Variants in EPM2A observed in about 807,000 individuals in gnomAD.
EPM2A encodes laforin.
EPM2A carries 21 observed loss-of-function variants against 26.5 expected under a neutral mutation model. The observed-to-expected ratio is 0.79, with a 90% CI of 0.56 to 1.14. EPM2A has a LOEUF of 1.14. Ranked by LOEUF, EPM2A falls within the 50% of genes most tolerant of loss-of-function variation. EPM2A has a pLI of 0.00. For synonymous variants in EPM2A, 217 were observed against 177.6 expected (o/e 1.22, Z -1.76); for missense variants, 458 against 440.8 (o/e 1.04, Z -0.35).
Position 145,584,603 on chromosome 6 carries a change from T to A in EPM2A, c.340+50642A>T, listed in dbSNP as rs544423851. Among the ~76,000 whole-genome samples, 145 of 152,264 alleles carry A rather than the reference T, an allele frequency of 9.5e-4. No individual in the cohort carries two copies. The Middle Eastern group carries it at 0.01, about 11-fold the overall frequency. The stretch of plus-strand genomic sequence containing the variant: ...TTTCTAAGAGGTTGTCTCTGCCAGC[T>A]CAAGTGTCCCTGGGGGTCATGGGTT... On this transcript the variant is annotated intron_variant, in intron 2 of 3. Coordinates refer to the EPM2A transcript ENST00000450221.
intron 1 of EPM2A, among the ~76,000 whole-genome samples, chr6:145,714,385 A>G (rs1186143195): frequency 6.6e-6 from 1 of 152,192 alleles, no homozygotes; most frequent in African/African-American, 2.4e-5. Context: ...TAACAAATCA[A>G]TTTTACTACT....
In EPM2A at chr6:145,437,266, C is replaced by T. The variant is rs150232580; in HGVS notation, c.556-53169G>A. On this transcript the variant is annotated intron_variant, in intron 4 of 4. Coordinates refer to the EPM2A transcript ENST00000638717. ...GTGAAGAAGGTGCTTACTTCCCCTTCGCCTTCTCCCATGATTGTAAGTTTC... is the reference window on the plus strand; with the variant it reads ...GTGAAGAAGGTGCTTACTTCCCCTTTGCCTTCTCCCATGATTGTAAGTTTC... Among the ~76,000 whole-genome samples, 215 of 152,112 alleles carry T rather than the reference C, an allele frequency of 1.4e-3. 2 individuals are homozygous for T. The East Asian group carries it at 0.03, about 21-fold the overall frequency.
intron 1 of EPM2A, among the ~76,000 whole-genome samples, chr6:145,715,407 A>C (rs1293603898): frequency 2.0e-5 from 3 of 152,220 alleles, no homozygotes. Context: ...AAACACAGGA[A>C]GAACATGCAG....
rs533617500 is a variant in EPM2A, at chr6:145,565,710, A to G, written c.341-63135T>C. ...AAGAGCTTGGCCCTCTAAGATCCAC[A>G]TAATCCTGGAAGAAAGGTGGGTATC... On this transcript the variant is annotated intron_variant, in intron 2 of 3. Coordinates refer to the EPM2A transcript ENST00000450221. Among the ~76,000 whole-genome samples the G allele has an allele frequency of 2.0e-5, 3 of 152,302 alleles. No individual in the cohort carries two copies. In the South Asian group the frequency reaches 6.2e-4, roughly 32 times the overall value.
chr6:145,707,325 G>A (rs1324869170), intron 1 of EPM2A, among the ~76,000 whole-genome samples: 1 of 152,170 alleles, frequency 6.6e-6, no homozygotes, highest in Non-Finnish European at 1.5e-5. Context: ...AGTGGCAGGG[G>A]AAGAGCAGGC....
chr6:145,450,709 C>G (rs1165269142), intron 4 of EPM2A, among the ~76,000 whole-genome samples: 1 of 152,160 alleles, frequency 6.6e-6, no homozygotes, highest in Non-Finnish European at 1.5e-5. Context: ...TGCGTGAACT[C>G]TCAGCATCAT....
At chr6:145,732,537 T>C (rs1377510178) in intron 1 of EPM2A, among the ~76,000 whole-genome samples, 1 of 152,018 alleles carries the variant, frequency 6.6e-6, no homozygotes. Context: ...ATTCATCAAG[T>C]AGTGCAATTA....
Position 145,730,375 on chromosome 6 carries a change from T to C in EPM2A, c.301+4823A>G, listed in dbSNP as rs9497402. 8.0e-3 allele frequency among the ~76,000 whole-genome samples: 1,221 copies of C among 152,304 alleles called. 17 individuals are homozygous for C. Among genetic ancestry groups the C allele is most frequent in the African/African-American group, 0.028 (1,168 of 41,562 alleles). ...GGATGATTCTTCCACTCTTCCTTCT[T>C]CTCCCTTATTCCACTAAATGCACAT... On this transcript the variant is annotated intron_variant, in intron 1 of 3. Transcript: ENST00000367519.
At chr6:145,440,799 G>T (rs771375606) in intron 4 of EPM2A, among the ~76,000 whole-genome samples, 2 of 152,206 alleles carry the variant, frequency 1.3e-5, no homozygotes, top group Non-Finnish European at 2.9e-5. Context: ...TAACAGGTGG[G>T]CTCCCACAGA....
At position 145,735,337 on chromosome 6, in the gene EPM2A, C is replaced by T. The variant is rs1223558074; in HGVS notation, c.162G>A (p.Leu54=). The change falls in exon 1 of 4, where the codon CTG becomes CTA. Residue 54 remains leucine (L), a synonymous_variant. Coordinates refer to ENST00000367519, the MANE Select transcript of EPM2A (RefSeq NM_005670.4). ...GTAAGDGALA[L]QEPGLWLGEV... Reference sequence around the variant, plus strand: ...CCCCGAGCCACAGGCCCGGCTCCTGCAGGGCCAGGGCCCCGTCGCCCGCCG... The same window carrying T: ...CCCCGAGCCACAGGCCCGGCTCCTGTAGGGCCAGGGCCCCGTCGCCCGCCG... 8.0e-6 allele frequency: 11 copies of T among 1,367,996 alleles called. No homozygotes were observed. Among genetic ancestry groups the T allele is most frequent in the Non-Finnish European group, 9.5e-6 (10 of 1,051,830 alleles). 84.7% of individuals were successfully genotyped at this position (1,367,996 alleles called of 1,614,324 possible).
intron 4 of EPM2A, among the ~76,000 whole-genome samples, chr6:145,495,085 G>A (rs1779799374): frequency 6.6e-6 from 1 of 152,072 alleles, no homozygotes; most frequent in Admixed American, 6.5e-5. Context: ...TTAGTGGGAT[G>A]GTAAAATTTC....
intron 2 of EPM2A, among the ~76,000 whole-genome samples, chr6:145,564,314 G>A (rs530405023): frequency 2.2e-4 from 34 of 151,996 alleles, no homozygotes; most frequent in Non-Finnish European, 4.4e-4. Context: ...ATCTACATAC[G>A]TATGTACATT....
chr6:145,426,553 A>G (rs1778856845), intron 4 of EPM2A, among the ~76,000 whole-genome samples: 1 of 152,238 alleles, frequency 6.6e-6, no homozygotes, highest in African/African-American at 2.4e-5. Flanking sequence ...GTCAAAACAT[A>G]TAAAACTATG....
intron 2 of EPM2A, among the ~76,000 whole-genome samples, chr6:145,598,885 T>C (rs1781382540): frequency 6.6e-6 from 1 of 152,214 alleles, no homozygotes; most frequent in Non-Finnish European, 1.5e-5. Context: ...TTGCTTGTTT[T>C]TATCAGCTTT....
chr6:145,713,069 T>A (rs1044084405), intron 1 of EPM2A, among the ~76,000 whole-genome samples: 2 of 152,232 alleles, frequency 1.3e-5, no homozygotes, highest in Admixed American at 6.5e-5. Context: ...TTTATTTTTA[T>A]CTTTTAATTC....
intron 2 of EPM2A, among the ~76,000 whole-genome samples, chr6:145,662,987 T>C (rs757747244): frequency 6.6e-6 from 1 of 152,172 alleles, no homozygotes; most frequent in Non-Finnish European, 1.5e-5. Context: ...TGACTTCCTA[T>C]TTAATGCAAC....
chr6:145,683,777 G>T (rs974324462), intron 2 of EPM2A, among the ~76,000 whole-genome samples: 1 of 152,132 alleles, frequency 6.6e-6, no homozygotes, highest in African/African-American at 2.4e-5. Context: ...TGCTGAGAAA[G>T]ATAGGATCTG....
At chr6:145,573,481 C>T (rs181854247) in intron 2 of EPM2A, among the ~76,000 whole-genome samples, 40 of 152,344 alleles carry the variant, frequency 2.6e-4, no homozygotes, top group African/African-American at 8.4e-4. Context: ...AATCCACTGT[C>T]GTTCTTCAAG....
chr6:145,443,114 A>G (rs1582759425), intron 4 of EPM2A, among the ~76,000 whole-genome samples: 1 of 151,540 alleles, frequency 6.6e-6, no homozygotes, highest in South Asian at 2.1e-4. Context: ...CTTGTGATCC[A>G]CCTGCCTCGG....
Sources: gnomAD v4.1 joint callset for allele counts (sites outside exome capture counted in the v4.1 genomes callset) on GRCh38, gnomAD v4.1.1 for gene constraint, MANE v1.5 for transcripts, NCBI Gene and HGNC (gene_info 2026-07-23, HGNC 2026-07-21) for gene names.